TOLLIP: variants seen among roughly 807,000 people sequenced by gnomAD.
The protein encoded by TOLLIP is toll interacting protein.
In TOLLIP, 16 loss-of-function variants were observed where a neutral mutation model predicts 33.5. That is an observed-to-expected ratio of 0.48 (90% CI 0.32 to 0.72). The LOEUF is 0.72. Ranked by LOEUF, TOLLIP falls within the 30% of genes least tolerant of loss-of-function variation. The probability of loss-of-function intolerance (pLI) is 0.03; values close to 1 mark genes in which losing one functional copy is unlikely to be tolerated. For missense variants in TOLLIP, 325 were observed against 396.6 expected (o/e 0.82, Z 1.53); for synonymous variants, 176 against 163.7 (o/e 1.07, Z -0.57).
At position 1,290,472 on chromosome 11, in the gene TOLLIP, G is replaced by C. The variant is rs1031162175; in HGVS notation, c.184-63C>G. 5 of 1,522,562 alleles carry C rather than the reference G, an allele frequency of 3.3e-6. No individual in the cohort carries two copies. In the South Asian group the frequency reaches 5.8e-5, roughly 18 times the overall value. 94.3% of individuals were successfully genotyped at this position (1,522,562 alleles called of 1,614,324 possible). A position where few individuals can be genotyped will look rare whatever the true frequency, so the allele number is the denominator to read the frequency against. ...CCATCAGGAGAGGGTGGGTTCTCTA[G>C]GCCGTCTGCCTCCCTGAACCCTTCC... On this transcript the variant is annotated intron_variant, in intron 2 of 5. Transcript: ENST00000317204. The surrounding 1 kb of genome is among the most constrained non-coding windows in gnomAD (Gnocchi z 4.9).
At chr11:1,308,039 G>T (rs142729339) in intron 1 of TOLLIP, among the ~76,000 whole-genome samples, 1 of 152,306 alleles carries the variant, frequency 6.6e-6, no homozygotes, top group East Asian at 1.9e-4. Flanking sequence ...GGAGCATCGT[G>T]AAAAAGGACT....
Position 1,275,586 on chromosome 11 carries a change from A to T in TOLLIP, c.*1453T>A, listed in dbSNP as rs1863271189. 1 of 152,168 alleles carries T rather than the reference A, an allele frequency of 6.6e-6. No individual in the cohort carries two copies. The highest frequency in any genetic ancestry group is 2.1e-4 in the South Asian group (1 of 4,830). The allele number at this position is 152,168 out of a possible 1,614,324, so 9.4% of individuals were successfully genotyped here. On this transcript the variant is annotated 3_prime_UTR_variant, in exon 6 of 6. Transcript: ENST00000317204. ...CAAAGGCCTTTAGGACCCACAGCTG[A>T]AGAAGGCGCCTGCTGCCAGCATGTC...
chr11:1,279,166 G>A (rs1373627349), intron 5 of TOLLIP, among the ~76,000 whole-genome samples: 1 of 152,248 alleles, frequency 6.6e-6, no homozygotes, highest in East Asian at 1.9e-4. Context: ...CGAGAAACCT[G>A]CTCTGCTGAC....
Position 1,278,487 on chromosome 11 carries a change from G to A in TOLLIP, c.611-1234C>T, listed in dbSNP as rs116844349. ...CAACAAGACCTGCAGGGGTGTAAAC[G>A]GAGCAGACAGGGCTTGCCACCAAGC... is the stretch of plus-strand genomic sequence containing the variant. On this transcript the variant is annotated intron_variant, in intron 5 of 5. Transcript: ENST00000317204. This position sits in a 1 kb window ranked among gnomAD's most constrained non-coding sequence, Gnocchi z 4.7. 2.6e-5 allele frequency among the ~76,000 whole-genome samples: 4 copies of A among 152,272 alleles called. No individual in the cohort carries two copies. The East Asian group carries it at 7.7e-4, about 29-fold the overall frequency.
chr11:1,302,925 G>A, intron 1 of TOLLIP: 3 of 289,440 alleles, frequency 1.0e-5, no homozygotes, highest in South Asian at 1.3e-4. Flanking sequence ...TCCTCAGACA[G>A]GGCTTTCCTT....
At chr11:1,281,766 C>T (rs1863507067) in intron 5 of TOLLIP, among the ~76,000 whole-genome samples, 1 of 152,270 alleles carries the variant, frequency 6.6e-6, no homozygotes, top group Admixed American at 6.5e-5. Context: ...CAGGCTTCTC[C>T]ACCATGTGAG....
At chr11:1,279,229 C>A (rs1245959938) in intron 5 of TOLLIP, among the ~76,000 whole-genome samples, 1 of 152,210 alleles carries the variant, frequency 6.6e-6, no homozygotes, top group Non-Finnish European at 1.5e-5. Flanking sequence ...ACAGCACGGC[C>A]CCAACACACT....
At chr11:1,293,156 C>T (rs920440370) in intron 2 of TOLLIP, among the ~76,000 whole-genome samples, 2 of 152,218 alleles carry the variant, frequency 1.3e-5, no homozygotes, top group African/African-American at 4.8e-5. Context: ...ACCAGCAGCA[C>T]GAGGGCTTTG....
intron 2 of TOLLIP, among the ~76,000 whole-genome samples, chr11:1,293,157 G>A (rs751283160): frequency 1.3e-5 from 2 of 152,238 alleles, no homozygotes; most frequent in Non-Finnish European, 2.9e-5. Context: ...CCAGCAGCAC[G>A]AGGGCTTTGG....
chr11:1,302,795 G>A (rs1864321406), intron 1 of TOLLIP: 6 of 985,516 alleles, frequency 6.1e-6, no homozygotes, highest in East Asian at 1.1e-4. Flanking sequence ...CAGTGTGGAC[G>A]GGCAGTGGTG....
At chr11:1,305,604 T>G (rs1177537338) in intron 1 of TOLLIP, among the ~76,000 whole-genome samples, 1 of 152,028 alleles carries the variant, frequency 6.6e-6, no homozygotes, top group Non-Finnish European at 1.5e-5. Context: ...ACCGAAGAAG[T>G]GATAAAGTTC....
In TOLLIP at chr11:1,290,670, A is replaced by G. The variant is rs1863904230; in HGVS notation, c.184-261T>C. Among the ~76,000 whole-genome samples the G allele has an allele frequency of 6.6e-6, 1 of 152,146 alleles. No individual in the cohort carries two copies. The highest frequency in any genetic ancestry group is 1.5e-5 in the Non-Finnish European group (1 of 68,012). On this transcript the variant is annotated intron_variant, in intron 2 of 5. Coordinates refer to ENST00000317204, the MANE Select transcript of TOLLIP (RefSeq NM_019009.4). This position sits in a 1 kb window ranked among gnomAD's most constrained non-coding sequence, Gnocchi z 4.9. ...CAGCAGAAACCTACGACGCTCACAG[A>G]CACAGCTGAGGCCGCCACTCACCCA...
chr11:1,284,048 T>C (rs556685120), intron 5 of TOLLIP, among the ~76,000 whole-genome samples: 3 of 152,190 alleles, frequency 2.0e-5, no homozygotes, highest in Non-Finnish European at 4.4e-5. Context: ...CTCTGGGCTG[T>C]CCCAGTTACA....
chr11:1,276,828 T>C lies in TOLLIP; in HGVS notation c.*211A>G, dbSNP rs1564961945. ...CGCGCTGAGACCTCCCAGCACGAGA[T>C]GGGAGGGGAGCCCCCGCCCCGTCCT... On this transcript the variant is annotated 3_prime_UTR_variant, in exon 6 of 6. Transcript: ENST00000317204. The C allele has an allele frequency of 3.3e-6, 5 of 1,530,042 alleles. No individual in the cohort carries two copies. Among genetic ancestry groups the C allele is most frequent in the Non-Finnish European group, 4.4e-6 (5 of 1,143,586 alleles). 94.8% of individuals were successfully genotyped at this position (1,530,042 alleles called of 1,614,324 possible).
chr11:1,281,223 T>C (rs1024545815), intron 5 of TOLLIP, among the ~76,000 whole-genome samples: 1 of 152,248 alleles, frequency 6.6e-6, no homozygotes, highest in African/African-American at 2.4e-5. Flanking sequence ...CTTCGGGCCA[T>C]GATCATGGCG....
At chr11:1,285,361 C>T (rs944821300) in intron 5 of TOLLIP, among the ~76,000 whole-genome samples, 5 of 152,390 alleles carry the variant, frequency 3.3e-5, no homozygotes, top group East Asian at 1.9e-4. Context: ...GCGGTCTCCC[C>T]GCCTGCTAAA....
chr11:1,303,743 A>G lies in TOLLIP; in HGVS notation c.33+5723T>C, dbSNP rs1252312126. ...GGGACAGTGTTAGAGGCCCAGATGA[A>G]CAGAGGTTAGGGCCGGGTGCAGTGG... On this transcript the variant is annotated intron_variant, in intron 1 of 5. Coordinates refer to ENST00000317204, the MANE Select transcript of TOLLIP (RefSeq NM_019009.4). This position sits in a 1 kb window ranked among gnomAD's most constrained non-coding sequence, Gnocchi z 4.2. Among the ~76,000 whole-genome samples, 4 of 152,220 alleles carry G rather than the reference A, an allele frequency of 2.6e-5. No individual in the cohort carries two copies. The South Asian group carries it at 8.3e-4, about 31-fold the overall frequency.
In TOLLIP at chr11:1,309,248, T is replaced by C. The variant is rs566719795; in HGVS notation, c.33+218A>G. On this transcript the variant is annotated intron_variant, in intron 1 of 5. Transcript: ENST00000317204. ...CCAAAGCTCTGCCCCGGCACGGCGG[T>C]GAGCTCAAGCCTCCTGCAGCGTGGG... is the stretch of plus-strand genomic sequence containing the variant. Among the ~76,000 whole-genome samples the C allele has an allele frequency of 8.5e-3, 1,290 of 152,122 alleles. 16 individuals carry two copies. The highest frequency in any genetic ancestry group is 0.029 in the African/African-American group (1,216 of 41,510).
chr11:1,296,338 G>A (rs920746892), intron 1 of TOLLIP, among the ~76,000 whole-genome samples: 5 of 152,170 alleles, frequency 3.3e-5, no homozygotes, highest in Admixed American at 3.3e-4. Flanking sequence ...AACCACGAAA[G>A]ACCTCCCCAC....
Sources: gnomAD v4.1 joint callset for allele counts (sites outside exome capture counted in the v4.1 genomes callset) on GRCh38, gnomAD v4.1.1 for gene constraint, Gnocchi (gnomAD v3.1) non-coding constraint, MANE v1.5 for transcripts, NCBI Gene and HGNC (gene_info 2026-07-23, HGNC 2026-07-21) for gene names.